Variants in MTHFD1L observed in about 807,000 individuals in gnomAD.
MTHFD1L encodes monofunctional C1-tetrahydrofolate synthase, mitochondrial.
A neutral mutation model predicts 119.5 loss-of-function variants in MTHFD1L; 81 were observed. That is an observed-to-expected ratio of 0.68 (90% confidence interval 0.57 to 0.82). MTHFD1L has a LOEUF of 0.82. Ranked by LOEUF, MTHFD1L falls within the 40% of genes least tolerant of loss-of-function variation. MTHFD1L has a pLI of 0.00. For missense variants in MTHFD1L, 1,125 were observed against 1,253.4 expected, an observed-to-expected ratio of 0.90 and a Z score of 1.55; for synonymous variants, 430 against 475.2, an observed-to-expected ratio of 0.90 and a Z score of 1.24.
At chr6:150,886,278 A>T (rs1234611958) in intron 6 of MTHFD1L, among the ~76,000 whole-genome samples, 1 of 152,142 alleles carries the variant, frequency 6.6e-6, no homozygotes, top group East Asian at 1.9e-4. Context: ...TACAAAAAAA[A>T]TTTAAAAATT....
intron 20 of MTHFD1L, among the ~76,000 whole-genome samples, chr6:150,973,996 T>C (rs1324486471): frequency 6.6e-6 from 1 of 152,256 alleles, no homozygotes; most frequent in Non-Finnish European, 1.5e-5. Context: ...TCAGCAATTA[T>C]ACTAATTCTT....
chr6:150,887,946 A>C lies in MTHFD1L; in HGVS notation c.745A>C (p.Ser249Arg), dbSNP rs376881399. ...CCAGAGAAAAGGGTCCATGACAATGAGCATCCAGTGGAAAACACGCCAGCT... is the reference window on the plus strand; with the variant it reads ...CCAGAGAAAAGGGTCCATGACAATGCGCATCCAGTGGAAAACACGCCAGCT... ...LFQRKGSMTM[S>R]IQWKTRQLQS... Residue 249 changes from serine to arginine, a missense_variant, in exon 7 of 28, where the codon AGC (serine) becomes CGC (arginine). Ser to Arg is a moderately radical substitution (Grantham distance 110). This residue lies in a region of MTHFD1L where 1,058 missense variants were observed against 1,151.2 expected (regional missense o/e 0.92). Transcript: ENST00000367321. 123 of 1,608,100 alleles carry C rather than the reference A, an allele frequency of 7.6e-5. No homozygotes were observed. The highest frequency in any genetic ancestry group is 1.0e-4 in the Non-Finnish European group (119 of 1,177,756).
intron 9 of MTHFD1L, among the ~76,000 whole-genome samples, chr6:150,921,375 C>T (rs1788907945): frequency 6.6e-6 from 1 of 152,178 alleles, no homozygotes; most frequent in African/African-American, 2.4e-5. Flanking sequence ...CTACCTCAGC[C>T]TCCCAAAGAG....
chr6:151,073,782 A>G (rs1792206569), intron 26 of MTHFD1L, among the ~76,000 whole-genome samples: 1 of 152,216 alleles, frequency 6.6e-6, no homozygotes, highest in African/African-American at 2.4e-5. Flanking sequence ...ATCTGAAATG[A>G]AACAGAAAAA....
At chr6:150,963,759 C>T (rs1161208563) in intron 18 of MTHFD1L, among the ~76,000 whole-genome samples, 4 of 152,134 alleles carry the variant, frequency 2.6e-5, no homozygotes, top group Non-Finnish European at 4.4e-5. Flanking sequence ...CTGTTTTCCC[C>T]CCCTAGAGCT....
chr6:150,878,145 G>A (rs1296646935), intron 4 of MTHFD1L, among the ~76,000 whole-genome samples: 1 of 152,192 alleles, frequency 6.6e-6, no homozygotes, highest in Non-Finnish European at 1.5e-5. Context: ...AGATCCCTGT[G>A]CCAGGGCCCG....
At chr6:151,075,056 A>G (rs879877177) in intron 26 of MTHFD1L, among the ~76,000 whole-genome samples, 2 of 152,212 alleles carry the variant, frequency 1.3e-5, no homozygotes, top group Non-Finnish European at 2.9e-5. Context: ...TGAAATCATT[A>G]AAAATAATCC....
intron 26 of MTHFD1L, among the ~76,000 whole-genome samples, chr6:151,072,271 T>C (rs1461985307): frequency 1.3e-5 from 2 of 152,236 alleles, no homozygotes; most frequent in African/African-American, 2.4e-5. Context: ...CATTTTAAGC[T>C]CATTTTACTG....
chr6:150,926,409 G>C lies in MTHFD1L; in HGVS notation c.1256+114G>C, dbSNP rs1419992383. The stretch of plus-strand genomic sequence containing the variant: ...ATCCTATTCTCACATTTGACATTTC[G>C]TCCATTTCATTTGGCATTTCTTTAT... On this transcript the variant is annotated intron_variant, in intron 11 of 27. Coordinates refer to ENST00000367321, the MANE Select transcript of MTHFD1L (RefSeq NM_015440.5). The surrounding 1 kb of genome is among the most constrained non-coding windows in gnomAD (Gnocchi z 4.3). 2.0e-6 allele frequency: 2 copies of C among 1,025,108 alleles called. No homozygotes were observed. Among genetic ancestry groups the C allele is most frequent in the Non-Finnish European group, 2.8e-6 (2 of 724,682 alleles). 63.5% of individuals were successfully genotyped at this position (1,025,108 alleles called of 1,614,324 possible).
intron 4 of MTHFD1L, among the ~76,000 whole-genome samples, chr6:150,880,200 T>C (rs1781176556): frequency 6.6e-6 from 1 of 152,184 alleles, no homozygotes; most frequent in Non-Finnish European, 1.5e-5. Flanking sequence ...TGGAATTTAT[T>C]CCTCCTATCT....
intron 27 of MTHFD1L, among the ~76,000 whole-genome samples, chr6:151,100,152 A>G (rs1247301738): frequency 6.6e-6 from 1 of 150,462 alleles, no homozygotes; most frequent in Admixed American, 6.6e-5. Flanking sequence ...TCCTGCCTCA[A>G]CCTCCAGAGT....
At chr6:151,013,913 T>A in intron 22 of MTHFD1L, 93 bp downstream of exon 22, 1 of 1,128,902 alleles carries the variant, frequency 8.9e-7, no homozygotes, top group South Asian at 1.3e-5. Context: ...CAGTGGCCTC[T>A]TAGAAAAGTG....
chr6:151,049,267 A>G (rs111751387), intron 26 of MTHFD1L, among the ~76,000 whole-genome samples: 3,331 of 152,292 alleles, frequency 0.022, 123 homozygotes, highest in African/African-American at 0.075. Context: ...CGAGGCAGGC[A>G]GATCACGAGG....
intron 26 of MTHFD1L, among the ~76,000 whole-genome samples, chr6:151,040,574 C>T (rs1185921397): frequency 2.0e-5 from 3 of 152,044 alleles, no homozygotes; most frequent in African/African-American, 7.3e-5. Flanking sequence ...GGAGTCATGG[C>T]ACGCACCTGG....
At chr6:150,981,462 A>G (rs888960666) in intron 20 of MTHFD1L, among the ~76,000 whole-genome samples, 2 of 152,212 alleles carry the variant, frequency 1.3e-5, no homozygotes, top group African/African-American at 4.8e-5. Flanking sequence ...CTCATTGCAC[A>G]TTAGAATCAC....
rs1038469816 is a variant in MTHFD1L at position 150,980,848 on chromosome 6, G to A, written c.2125+8790G>A. Among the ~76,000 whole-genome samples, 4 of 151,822 alleles carry A rather than the reference G, an allele frequency of 2.6e-5. No homozygotes were observed. In the East Asian group the frequency reaches 7.7e-4, roughly 29 times the overall value. On this transcript the variant is annotated intron_variant, in intron 20 of 27. Coordinates refer to ENST00000367321, the MANE Select transcript of MTHFD1L (RefSeq NM_015440.5). ...TTCTCTCCTGATTTGAGTGATTATC[G>A]TTTCCGGGTGTGTGTTTCTACTTTG...
At chr6:150,990,463 T>C (rs1443128546) in intron 20 of MTHFD1L, among the ~76,000 whole-genome samples, 2 of 152,160 alleles carry the variant, frequency 1.3e-5, no homozygotes, top group African/African-American at 4.8e-5. Flanking sequence ...TTTTTTCTTT[T>C]CTTTTATTTT....
chr6:151,077,227 A>G (rs1003546027), intron 26 of MTHFD1L, among the ~76,000 whole-genome samples: 3 of 152,236 alleles, frequency 2.0e-5, no homozygotes, highest in Admixed American at 2.0e-4. Context: ...ACTCACACCA[A>G]CACACTTCAT....
At chr6:151,023,313 C>T (rs1193420904) in intron 24 of MTHFD1L, among the ~76,000 whole-genome samples, 1 of 152,128 alleles carries the variant, frequency 6.6e-6, no homozygotes, top group Non-Finnish European at 1.5e-5. Context: ...TCCCAAAGTG[C>T]CGGGATTACA....
Sources: allele counts gnomAD v4.1 joint callset (sites outside exome capture counted in the v4.1 genomes callset), GRCh38; gene constraint gnomAD v4.1.1; regional missense constraint gnomAD v4.1.1; non-coding constraint Gnocchi (gnomAD v3.1); transcripts MANE v1.5; gene names NCBI Gene and HGNC (gene_info 2026-07-23, HGNC 2026-07-21).